Variants in SBNO1 observed in about 807,000 individuals in gnomAD.
SBNO1 encodes the protein strawberry notch homolog 1.
SBNO1 carries 23 observed loss-of-function variants against 173.6 expected under a neutral mutation model. That is an observed-to-expected ratio of 0.13 (90% CI 0.10 to 0.19). SBNO1 has a LOEUF of 0.19. Ranked by LOEUF, SBNO1 falls within the 10% of genes least tolerant of loss-of-function variation. SBNO1 has a pLI of 1.00. For synonymous variants in SBNO1, 632 were observed against 571.5 expected (o/e 1.11, Z -1.51); for missense variants, 1,238 against 1,671.2 (o/e 0.74, Z 4.52).
In SBNO1 at chr12:123,320,486, A is replaced by AG; in HGVS notation, c.2612dup (p.Asn872Ter). ...CATCGATAAGTTCATCCAGGGTATTAGGGGGGAGGTCTTCAGCTAATTTTT... is the reference window on the plus strand; with the variant it reads ...CATCGATAAGTTCATCCAGGGTATTAGGGGGGGAGGTCTTCAGCTAATTTTT... On this transcript the variant is annotated frameshift_variant, in exon 19 of 32. Coordinates refer to ENST00000602398, the MANE Select transcript of SBNO1 (RefSeq NM_001167856.3). LOFTEE classifies it high-confidence loss of function. 6.2e-7 allele frequency: 1 copy of AG among 1,614,000 alleles called. No individual in the cohort carries two copies.
intron 31 of SBNO1, among the ~76,000 whole-genome samples, chr12:123,296,564 T>G (rs556000513): frequency 1.8e-3 from 266 of 150,564 alleles, no homozygotes; most frequent in African/African-American, 6.1e-3. Context: ...TGTTTTTTTT[T>G]TTGTTTTTTT....
intron 7 of SBNO1, among the ~76,000 whole-genome samples, chr12:123,331,671 G>A (rs1056912518): frequency 2.6e-5 from 4 of 151,740 alleles, no homozygotes; most frequent in Admixed American, 6.6e-5. Context: ...ACAGGCGCCC[G>A]CCACCACGCC....
chr12:123,310,237 GTT>G (rs1337956275), intron 25 of SBNO1, among the ~76,000 whole-genome samples: 1 of 152,110 alleles, frequency 6.6e-6, no homozygotes, highest in Non-Finnish European at 1.5e-5. Flanking sequence ...TTTTCGTTTT[GTT>G]TTGTTTCTTG....
intron 1 of SBNO1, among the ~76,000 whole-genome samples, chr12:123,361,667 G>A (rs1361859413): frequency 2.0e-5 from 3 of 151,390 alleles, no homozygotes; most frequent in Non-Finnish European, 2.9e-5. Context: ...CAAGGAGCGG[G>A]AGGTTGCAGT....
At chr12:123,353,288 T>C (rs893007932) in intron 1 of SBNO1, among the ~76,000 whole-genome samples, 1 of 152,118 alleles carries the variant, frequency 6.6e-6, no homozygotes, top group East Asian at 1.9e-4. Flanking sequence ...GAGCTGAAAC[T>C]GAGGGTCAGA....
intron 29 of SBNO1, among the ~76,000 whole-genome samples, chr12:123,303,275 T>A (rs903080568): frequency 6.6e-6 from 1 of 152,138 alleles, no homozygotes; most frequent in Non-Finnish European, 1.5e-5. Flanking sequence ...TAAGAGGTAG[T>A]GAGAAGGGCT....
At chr12:123,361,151 G>A (rs1365756351) in intron 1 of SBNO1, among the ~76,000 whole-genome samples, 2 of 152,216 alleles carry the variant, frequency 1.3e-5, no homozygotes, top group South Asian at 2.1e-4. Flanking sequence ...GGCTAAGGCA[G>A]GAGAATTGCT....
In SBNO1 at chr12:123,293,664, T is replaced by C; in HGVS notation, c.*2244A>G. ...AGAACCTAAGATACATACACTCCTA[T>C]TTATCAAGATGGCTAGTCCAGAGCA... is the stretch of plus-strand genomic sequence containing the variant. On this transcript the variant is annotated 3_prime_UTR_variant, in exon 32 of 32. Transcript: ENST00000602398. 1 of 152,158 alleles carries C rather than the reference T, an allele frequency of 6.6e-6. No homozygotes were observed. Among genetic ancestry groups the C allele is most frequent in the East Asian group, 1.9e-4 (1 of 5,194 alleles). 9.4% of individuals were successfully genotyped at this position (152,158 alleles called of 1,614,324 possible). A position where few individuals can be genotyped will look rare whatever the true frequency, so the allele number is the denominator to read the frequency against.
chr12:123,321,859 AAAAC>A (rs1351549776), intron 16 of SBNO1, 127 bp from the exon 17 acceptor site: 11 of 760,882 alleles, frequency 1.4e-5, no homozygotes, highest in Admixed American at 2.8e-5. Context: ...GTTAAGTCAA[AAAAC>A]AAACAGAATT....
chr12:123,364,601 T>C, intron 1 of SBNO1, 100 bp downstream of exon 1: 1 of 977,162 alleles, frequency 1.0e-6, no homozygotes. Flanking sequence ...GAGGTGGCTG[T>C]CCCCCCAGCC....
At chr12:123,364,090 A>G (rs923914252) in intron 1 of SBNO1, 39 of 985,412 alleles carry the variant, frequency 4.0e-5, no homozygotes, top group Non-Finnish European at 4.5e-5. Context: ...AGGCAGAACT[A>G]AGCGAGTCGC....
intron 15 of SBNO1, among the ~76,000 whole-genome samples, chr12:123,324,745 T>C (rs982627088): frequency 4.6e-5 from 7 of 152,216 alleles, no homozygotes; most frequent in African/African-American, 1.4e-4. Flanking sequence ...GCCTAAAACA[T>C]TTTAAAATCT....
chr12:123,322,778 T>G lies in SBNO1; in HGVS notation c.2125+902A>C, dbSNP rs1042746854. 2.6e-5 allele frequency among the ~76,000 whole-genome samples: 4 copies of G among 151,194 alleles called. No individual in the cohort carries two copies. The East Asian group carries it at 5.9e-4, about 22-fold the overall frequency. On this transcript the variant is annotated intron_variant, in intron 16 of 31. Transcript: ENST00000602398. Reference sequence around the variant, plus strand: ...AAAATTAGCAGGGCGTGGTGGTGCATGCCTGTAATCCCAGCTCCTTGAACC... The same window carrying G: ...AAAATTAGCAGGGCGTGGTGGTGCAGGCCTGTAATCCCAGCTCCTTGAACC...
intron 13 of SBNO1, among the ~76,000 whole-genome samples, chr12:123,326,613 T>C (rs1002292685): frequency 6.6e-6 from 1 of 152,086 alleles, no homozygotes; most frequent in African/African-American, 2.4e-5. Flanking sequence ...AATGAAAACA[T>C]GGACAATCTG....
At chr12:123,342,810 T>C (rs1431012981) in intron 4 of SBNO1, among the ~76,000 whole-genome samples, 1 of 152,112 alleles carries the variant, frequency 6.6e-6, no homozygotes, top group Non-Finnish European at 1.5e-5. Context: ...CTGGAATTCT[T>C]GAGATAGAGG....
rs769965618 is a variant in SBNO1 at position 123,309,579 on chromosome 12, A to C, written c.3447T>G (p.Leu1149=). 9 of 1,613,030 alleles carry C rather than the reference A, an allele frequency of 5.6e-6. No individual in the cohort carries two copies. In the South Asian group the frequency reaches 9.9e-5, roughly 18 times the overall value. ...TCCGCACTTTTTCATCTCCAGAACC[A>C]AGATCTTGAACAAGAAAAAGAAACA... ...NGRYDMGILD[L]GSGDEKVRKS... is the part of the protein sequence containing the mutation. The change falls in exon 27 of 32, where the codon CTT becomes CTG. Residue 1149 remains leucine (L), a synonymous_variant. Coordinates refer to ENST00000602398, the MANE Select transcript of SBNO1 (RefSeq NM_001167856.3).
intron 7 of SBNO1, among the ~76,000 whole-genome samples, chr12:123,332,434 G>A (rs1355719993): frequency 6.6e-6 from 1 of 152,110 alleles, no homozygotes; most frequent in Non-Finnish European, 1.5e-5. Flanking sequence ...TAGGATTACA[G>A]GCATGTGCCA....
At chr12:123,343,998 C>T (rs1303229224) in intron 4 of SBNO1, among the ~76,000 whole-genome samples, 1 of 152,060 alleles carries the variant, frequency 6.6e-6, no homozygotes, top group Non-Finnish European at 1.5e-5. Context: ...CAGTCAGCTC[C>T]AAATCTATCC....
Position 123,327,830 on chromosome 12 carries a change from G to A in SBNO1, c.1433-18C>T, listed in dbSNP as rs1051849310. ...AGAAGCACCTGAAAATCCCACAAAT[G>A]AAATATATTATAGTTGAAAAAATAA... On this transcript the variant is annotated intron_variant, in intron 11 of 31. Transcript: ENST00000602398. 1 of 1,608,206 alleles carries A rather than the reference G, an allele frequency of 6.2e-7. No homozygotes were observed. The highest frequency in any genetic ancestry group is 8.5e-7 in the Non-Finnish European group (1 of 1,175,374).
Sources: allele counts gnomAD v4.1 joint callset (sites outside exome capture counted in the v4.1 genomes callset), GRCh38; gene constraint gnomAD v4.1.1; transcripts MANE v1.5; gene names NCBI Gene and HGNC (gene_info 2026-07-23, HGNC 2026-07-21).